Variants in MYO1D observed in about 807,000 individuals in gnomAD.
The protein encoded by MYO1D is myosin ID, also known as unconventional myosin-Id.
Under a neutral mutation model 122.0 loss-of-function variants are expected in MYO1D, and 83 were observed. The observed-to-expected ratio is 0.68, with a 90% CI of 0.57 to 0.82. The LOEUF is 0.82. MYO1D is among the 40% of genes least tolerant of loss of function. The pLI is 0.00. For missense variants in MYO1D, 1,157 were observed against 1,269.5 expected, an observed-to-expected ratio of 0.91 and a Z score of 1.35; for synonymous variants, 464 against 446.9, an observed-to-expected ratio of 1.04 and a Z score of -0.48.
intron 1 of MYO1D, among the ~76,000 whole-genome samples, chr17:32,850,695 T>C (rs1022344404): frequency 3.9e-5 from 6 of 152,160 alleles, no homozygotes; most frequent in Non-Finnish European, 5.9e-5. Flanking sequence ...CTCACTCTTA[T>C]GTACCCTGTT....
intron 1 of MYO1D, among the ~76,000 whole-genome samples, chr17:32,844,375 ATATG>A: frequency 6.8e-6 from 1 of 146,548 alleles, no homozygotes; most frequent in East Asian, 2.0e-4. Flanking sequence ...TATATAGTAT[ATATG>A]TGTATATATA....
At chr17:32,557,601 G>C (rs1046616749) in intron 21 of MYO1D, among the ~76,000 whole-genome samples, 58 of 151,934 alleles carry the variant, frequency 3.8e-4, no homozygotes, top group African/African-American at 1.4e-3. Context: ...AGGTTCAAGC[G>C]ATCCTCCCGT....
At chr17:32,837,612 G>T (rs900624741) in intron 1 of MYO1D, among the ~76,000 whole-genome samples, 15 of 152,078 alleles carry the variant, frequency 9.9e-5, no homozygotes, top group African/African-American at 3.6e-4. Flanking sequence ...CATACTCACA[G>T]AAGTTGAATT....
chr17:32,527,892 G>T (rs1379656023), intron 21 of MYO1D, among the ~76,000 whole-genome samples: 2 of 117,476 alleles, frequency 1.7e-5, no homozygotes, highest in Non-Finnish European at 3.8e-5. Context: ...AGGCTAGACT[G>T]CAGTGGCACG....
At chr17:32,806,536 T>C (rs2090514710) in intron 1 of MYO1D, among the ~76,000 whole-genome samples, 1 of 152,096 alleles carries the variant, frequency 6.6e-6, no homozygotes, top group Non-Finnish European at 1.5e-5. Flanking sequence ...AGCTGATCTT[T>C]TAAATTTTTA....
intron 21 of MYO1D, among the ~76,000 whole-genome samples, chr17:32,496,729 C>A (rs1597856312): frequency 6.6e-6 from 1 of 152,284 alleles, no homozygotes; most frequent in African/African-American, 2.4e-5. Flanking sequence ...CCCTCCTGAC[C>A]CTGGCAGCGG....
intron 21 of MYO1D, among the ~76,000 whole-genome samples, chr17:32,603,757 C>A (rs2087591823): frequency 6.6e-6 from 1 of 151,996 alleles, no homozygotes; most frequent in Non-Finnish European, 1.5e-5. Context: ...GATCTGCTGA[C>A]CTCGTGATCC....
intron 21 of MYO1D, chr17:32,498,876 G>T (rs1423894742): frequency 6.6e-6 from 1 of 152,284 alleles, no homozygotes; most frequent in Admixed American, 6.5e-5. Context: ...TTTACATCCT[G>T]TGGGGAGGGG....
intron 21 of MYO1D, chr17:32,495,611 GGACAGAGCCCGAGCCCGAGCCC>G (rs1415108311): frequency 6.6e-6 from 1 of 152,224 alleles, no homozygotes; most frequent in East Asian, 1.9e-4. Context: ...TCTTCCTGCT[GGACAGAGCCCGAGCCCGAGCCC>G]TTCCTCCAGC....
intron 13 of MYO1D, 44 bp downstream of exon 13, chr17:32,745,167 C>A: frequency 9.2e-7 from 1 of 1,083,074 alleles, no homozygotes; most frequent in South Asian, 1.4e-5. Context: ...TTACATATGT[C>A]AATGAGCTTA....
chr17:32,746,165 G>C (rs1195359280), intron 12 of MYO1D, among the ~76,000 whole-genome samples: 5 of 152,156 alleles, frequency 3.3e-5, no homozygotes, highest in Admixed American at 2.0e-4. Context: ...CCTTCAGGCT[G>C]TGCTGCCCAT....
At chr17:32,563,831 T>G (rs8077016) in intron 21 of MYO1D, among the ~76,000 whole-genome samples, 1 of 152,200 alleles carries the variant, frequency 6.6e-6, no homozygotes, top group African/African-American at 2.4e-5. Context: ...CTGCTACATA[T>G]TGGTTTAAGA....
intron 21 of MYO1D, among the ~76,000 whole-genome samples, chr17:32,495,160 G>T (rs1392460936): frequency 5.9e-5 from 9 of 152,246 alleles, no homozygotes; most frequent in Non-Finnish European, 1.2e-4. Flanking sequence ...GGACTGGACA[G>T]TGGAGGGCCA....
intron 12 of MYO1D, among the ~76,000 whole-genome samples, chr17:32,748,084 C>CTAAGTA (rs2089856653): frequency 6.6e-6 from 1 of 152,118 alleles, no homozygotes; most frequent in Non-Finnish European, 1.5e-5. Flanking sequence ...ACTTAAGCCA[C>CTAAGTA]CGATTGTGGT....
intron 1 of MYO1D, among the ~76,000 whole-genome samples, chr17:32,829,806 T>C (rs1024972176): frequency 3.3e-5 from 5 of 152,104 alleles, no homozygotes; most frequent in Admixed American, 3.3e-4. Flanking sequence ...GAAACTAGAG[T>C]ACATGCCTTG....
At chr17:32,823,651 G>C (rs911784717) in intron 1 of MYO1D, among the ~76,000 whole-genome samples, 7 of 152,080 alleles carry the variant, frequency 4.6e-5, no homozygotes, top group African/African-American at 1.7e-4. Context: ...GGGAGAGAGG[G>C]AATGTAAAGT....
At chr17:32,608,075 G>A (rs531180587) in intron 20 of MYO1D, among the ~76,000 whole-genome samples, 64 of 152,194 alleles carry the variant, frequency 4.2e-4, no homozygotes, top group African/African-American at 1.4e-3. Context: ...ACCTTGGGCT[G>A]GCAAATATTT....
chr17:32,669,740 G>GT (rs750565777), intron 16 of MYO1D, among the ~76,000 whole-genome samples: 14 of 152,030 alleles, frequency 9.2e-5, no homozygotes, highest in Middle Eastern at 3.2e-3. Flanking sequence ...AAGATAAAGA[G>GT]TAATTATACC....
intron 1 of MYO1D, among the ~76,000 whole-genome samples, chr17:32,832,113 T>C (rs1306205834): frequency 6.6e-6 from 1 of 151,576 alleles, no homozygotes; most frequent in Non-Finnish European, 1.5e-5. Flanking sequence ...TTCTTTTTTC[T>C]TTCTTTCTTT....
Sources: gnomAD v4.1 joint callset for allele counts (sites outside exome capture counted in the v4.1 genomes callset) on GRCh38, gnomAD v4.1.1 for gene constraint, MANE v1.5 for transcripts, NCBI Gene and HGNC (gene_info 2026-07-23, HGNC 2026-07-21) for gene names.